The following CFAP36 variants were observed in gnomAD, a reference collection of about 807,000 sequenced individuals.
CFAP36 encodes the protein cilia- and flagella-associated protein 36.
Under a neutral mutation model 50.5 loss-of-function variants are expected in CFAP36, and 37 were observed. That is an observed-to-expected ratio of 0.73 (90% CI 0.56 to 0.96). The LOEUF (loss-of-function observed/expected upper bound fraction) is 0.96, where lower values mean the gene tolerates loss of function less well. Ranked by LOEUF, CFAP36 falls within the 50% of genes least tolerant of loss-of-function variation. The pLI is 0.00. For synonymous variants in CFAP36, 138 were observed against 128.2 expected, an observed-to-expected ratio of 1.08 and a Z score of -0.52; for missense variants, 407 against 396.2, an observed-to-expected ratio of 1.03 and a Z score of -0.23.
chr2:55,528,258 G>A (rs956330247), intron 3 of CFAP36, among the ~76,000 whole-genome samples: 5 of 150,614 alleles, frequency 3.3e-5, no homozygotes, highest in Admixed American at 2.6e-4. Flanking sequence ...ATAAACAAAT[G>A]CCCCTCTTTA....
intron 1 of CFAP36, chr2:55,520,355 C>G: frequency 1.4e-6 from 2 of 1,449,232 alleles, no homozygotes; most frequent in Non-Finnish European, 1.8e-6. Flanking sequence ...GCATTTCGCC[C>G]GGTGTAGTCA....
Position 55,519,742 on chromosome 2 carries a change from G to T in CFAP36, c.-60G>T. The T allele has an allele frequency of 6.4e-7, 1 of 1,563,724 alleles. No individual in the cohort carries two copies. Among genetic ancestry groups the T allele is most frequent in the East Asian group, 2.2e-5 (1 of 44,622 alleles). On this transcript the variant is annotated 5_prime_UTR_variant, in exon 1 of 10. Coordinates refer to ENST00000349456, the MANE Select transcript of CFAP36 (RefSeq NM_080667.7). ...CCTCTCGGCTCCTTGTGGCCCAAAG[G>T]CCTAACCGGGGTCCGGCGGTCTGGC...
rs1684132391 is a variant in CFAP36, at chr2:55,523,818, C to T, written c.278C>T (p.Ser93Leu). 1.6e-5 allele frequency: 25 copies of T among 1,595,168 alleles called. No individual in the cohort carries two copies. The highest frequency in any genetic ancestry group is 2.1e-5 in the Non-Finnish European group (24 of 1,168,440). Residue 93 changes from serine to leucine, a missense_variant, in exon 3 of 10, where the codon TCA (serine) becomes TTA (leucine). Transcript: ENST00000349456. ...TCTCCTCTTGCAAAGACCCATACATCACAGGTTTTTGCTTTGTGTTATTCT... is the reference window on the plus strand; with the variant it reads ...TCTCCTCTTGCAAAGACCCATACATTACAGGTTTTTGCTTTGTGTTATTCT... Reference protein sequence around the residue: ...CTSPLAKTHTSQAILQPVLAA... With the variant: ...CTSPLAKTHTLQAILQPVLAA...
chr2:55,523,765 T>G lies in CFAP36; in HGVS notation c.225T>G (p.Asn75Lys), dbSNP rs148547568. ...GTTACCTCAAAGAAATTGGAATTAA[T>G]GAAGATCAATTTCAAGAAGCATGCA... ...LEGYLKEIGI[N>K]EDQFQEACTS... is the part of the protein sequence containing the mutation. Residue 75 changes from asparagine (N) to lysine (K), a missense_variant, in exon 3 of 10, where the codon AAT becomes AAG. Transcript: ENST00000349456. 6 of 1,609,026 alleles carry G rather than the reference T, an allele frequency of 3.7e-6. No individual in the cohort carries two copies. The highest frequency in any genetic ancestry group is 3.4e-6 in the Non-Finnish European group (4 of 1,176,992).
At chr2:55,538,020 C>T (rs1574624252) in intron 7 of CFAP36, among the ~76,000 whole-genome samples, 2 of 152,132 alleles carry the variant, frequency 1.3e-5, no homozygotes, top group South Asian at 4.1e-4. Flanking sequence ...GCCATTTTGT[C>T]CAGATATTTG....
chr2:55,522,766 G>A (rs6739513), intron 2 of CFAP36, among the ~76,000 whole-genome samples: 67,247 of 151,974 alleles, frequency 0.44, 15,880 homozygotes, highest in Non-Finnish European at 0.52. Context: ...GTTTACAGGT[G>A]TGAGCCACTG....
intron 2 of CFAP36, 127 bp downstream of exon 2, chr2:55,522,293 A>G: frequency 1.8e-6 from 1 of 548,464 alleles, no homozygotes; most frequent in South Asian, 2.7e-5. Flanking sequence ...CTACCTTAAC[A>G]ATAGTGCCAG....
chr2:55,519,835 G>C lies in CFAP36; in HGVS notation c.34G>C (p.Val12Leu), dbSNP rs763941107. Residue 12 changes from valine (V) to leucine (L), a missense_variant, in exon 1 of 10, where the codon GTA becomes CTA. Physicochemically the swap from Val to Leu is conservative, Grantham distance 32. Transcript: ENST00000349456. The stretch of plus-strand genomic sequence containing the variant: ...GGAAGAAGAAGACGAGGTGGAGTGG[G>C]TAGTGGAGAGCATCGCGGGGTTCCT... ...AAEEEDEVEW[V>L]VESIAGFLRG... 1.2e-6 allele frequency: 2 copies of C among 1,614,262 alleles called. No individual in the cohort carries two copies. Among genetic ancestry groups the C allele is most frequent in the South Asian group, 1.1e-5 (1 of 91,090 alleles).
chr2:55,524,214 G>C (rs1684143076), intron 3 of CFAP36, among the ~76,000 whole-genome samples: 1 of 152,124 alleles, frequency 6.6e-6, no homozygotes, highest in African/African-American at 2.4e-5. Context: ...TGGTTGTGTA[G>C]TGCTAGGCTG....
At chr2:55,524,060 G>C (rs1469359162) in intron 3 of CFAP36, among the ~76,000 whole-genome samples, 2 of 152,192 alleles carry the variant, frequency 1.3e-5, no homozygotes, top group Non-Finnish European at 2.9e-5. Context: ...ACTAGAATAA[G>C]ATCACAGGGT....
intron 7 of CFAP36, among the ~76,000 whole-genome samples, chr2:55,542,412 G>A (rs1018412541): frequency 1.3e-5 from 2 of 152,208 alleles, no homozygotes; most frequent in Admixed American, 6.5e-5. Flanking sequence ...GAGTTTGGAA[G>A]AATCATGAAG....
chr2:55,544,059 T>C lies in CFAP36; in HGVS notation c.762T>C (p.Ile254=). The C allele has an allele frequency of 6.2e-7, 1 of 1,613,882 alleles. No homozygotes were observed. Among genetic ancestry groups the C allele is most frequent in the East Asian group, 2.2e-5 (1 of 44,864 alleles). The change falls in exon 8 of 10, where the codon ATT becomes ATC. Residue 254 remains isoleucine, a synonymous_variant. Coordinates refer to ENST00000349456, the MANE Select transcript of CFAP36 (RefSeq NM_080667.7). ...LKIPGLEHAS[I]EGPIANLSVL... ...TTCCTGGCTTAGAGCATGCGAGCAT[T>C]GAAGGACCAATAGCAGTAAGTAAAC...
At chr2:55,543,162 GCAT>G (rs1684684253) in intron 7 of CFAP36, among the ~76,000 whole-genome samples, 1 of 151,722 alleles carries the variant, frequency 6.6e-6, no homozygotes, top group Non-Finnish European at 1.5e-5. Context: ...TTAGATCTTA[GCAT>G]CATTTTAATG....
chr2:55,521,078 A>C (rs1030493212), intron 1 of CFAP36, among the ~76,000 whole-genome samples: 1 of 152,206 alleles, frequency 6.6e-6, no homozygotes, highest in African/African-American at 2.4e-5. Flanking sequence ...CAGTTTGACC[A>C]CTGAATCTTT....
At chr2:55,537,352 C>T in intron 6 of CFAP36, 131 bp from the exon 7 acceptor site, 1 of 585,692 alleles carries the variant, frequency 1.7e-6, no homozygotes, top group Non-Finnish European at 2.9e-6. Context: ...GTCTGGGTGA[C>T]AGAGTGAGAC....
chr2:55,540,811 A>T (rs1009039973), intron 7 of CFAP36, among the ~76,000 whole-genome samples: 4 of 151,984 alleles, frequency 2.6e-5, no homozygotes, highest in African/African-American at 9.7e-5. Context: ...AGGAGTTCAA[A>T]ACCAGCCTGG....
At chr2:55,521,593 ATATGTGTGTG>A (rs1361821048) in intron 1 of CFAP36, among the ~76,000 whole-genome samples, 2 of 147,394 alleles carry the variant, frequency 1.4e-5, no homozygotes, top group African/African-American at 2.5e-5. Context: ...TTAATAGTAT[ATATGTGTGTG>A]TGTGTGTGTG....
At chr2:55,527,872 C>G (rs1684250977) in intron 3 of CFAP36, among the ~76,000 whole-genome samples, 1 of 151,718 alleles carries the variant, frequency 6.6e-6, no homozygotes, top group South Asian at 2.1e-4. Context: ...ACAACACACT[C>G]TAAAAAACAC....
rs1684521237 is a variant in CFAP36 at position 55,537,539 on chromosome 2, GA to G, written c.596del (p.Asn199IlefsTer26). The G allele has an allele frequency of 6.2e-7, 1 of 1,613,784 alleles. No homozygotes were observed. Among genetic ancestry groups the G allele is most frequent in the Non-Finnish European group, 8.5e-7 (1 of 1,179,828 alleles). ...TGCATTCCAGTGAAGCTGCAATAAT[GA>G]ATAATTCCCAAGGGGATGGTGAACA... ...TVHSSEAAIM[N>X]NSQGDGEHFA... On this transcript the variant is annotated frameshift_variant, in exon 7 of 10. Coordinates refer to ENST00000349456, the MANE Select transcript of CFAP36 (RefSeq NM_080667.7). LOFTEE classifies it high-confidence loss of function.
Sources: allele counts gnomAD v4.1 joint callset (sites outside exome capture counted in the v4.1 genomes callset), GRCh38; gene constraint gnomAD v4.1.1; transcripts MANE v1.5; gene names NCBI Gene and HGNC (gene_info 2026-07-23, HGNC 2026-07-21).